ZMAT5: variants seen among roughly 807,000 people sequenced by gnomAD.
The protein encoded by ZMAT5 is zinc finger matrin-type 5.
A neutral mutation model predicts 28.0 loss-of-function variants in ZMAT5; 23 were observed. The observed-to-expected ratio is 0.82, with a 90% CI of 0.59 to 1.16. The LOEUF (loss-of-function observed/expected upper bound fraction) is 1.16, where lower values mean the gene tolerates loss of function less well. Among genes scored for constraint, ZMAT5 ranks in the 50% most tolerant of loss-of-function variants. ZMAT5 has a pLI of 0.00. For missense variants in ZMAT5, 173 were observed against 212.7 expected (o/e 0.81, Z 1.16); for synonymous variants, 76 against 84.1 (o/e 0.90, Z 0.52).
At chr22:29,755,012 A>G (rs993114799) in intron 1 of ZMAT5, among the ~76,000 whole-genome samples, 1 of 151,808 alleles carries the variant, frequency 6.6e-6, no homozygotes, top group Non-Finnish European at 1.5e-5. Context: ...AATCGCAGTC[A>G]AGGCCGGGCA....
chr22:29,756,970 C>T (rs1005284583), intron 1 of ZMAT5, among the ~76,000 whole-genome samples: 1 of 152,012 alleles, frequency 6.6e-6, no homozygotes, highest in Admixed American at 6.6e-5. Flanking sequence ...ACCTGGGAGG[C>T]GGAGGTTGCA....
Position 29,738,426 on chromosome 22 carries a change from C to T in ZMAT5, c.287G>A (p.Arg96Lys), listed in dbSNP as rs1359876422. ...CTCAGGAGCATCTAGTAGCCACTCCCTGGCTCGCCTCTCCTCTGTGGGGAC... is the reference window on the plus strand; with the variant it reads ...CTCAGGAGCATCTAGTAGCCACTCCTTGGCTCGCCTCTCCTCTGTGGGGAC... ...SIQVEEERRAREWLLDAPELP... is the reference protein window; with the variant it reads ...SIQVEEERRAKEWLLDAPELP... Residue 96 changes from arginine to lysine, a missense_variant, in exon 5 of 6, where the codon AGG (arginine) becomes AAG (lysine). Coordinates refer to ENST00000344318, the MANE Select transcript of ZMAT5 (RefSeq NM_001003692.2). 1 of 1,610,520 alleles carries T rather than the reference C, an allele frequency of 6.2e-7. No individual in the cohort carries two copies. The highest frequency in any genetic ancestry group is 8.5e-7 in the Non-Finnish European group (1 of 1,179,852).
chr22:29,749,594 G>C (rs1453248688), intron 1 of ZMAT5, among the ~76,000 whole-genome samples: 1 of 152,164 alleles, frequency 6.6e-6, no homozygotes, highest in Non-Finnish European at 1.5e-5. Context: ...CTTCCACTTA[G>C]CTTCCTCCAC....
chr22:29,732,596 C>T lies in ZMAT5; in HGVS notation c.384-1242G>A, dbSNP rs183335546. 3.0e-3 allele frequency among the ~76,000 whole-genome samples: 451 copies of T among 151,972 alleles called. 2 individuals are homozygous for T. Among genetic ancestry groups the T allele is most frequent in the African/African-American group, 0.01 (429 of 41,456 alleles). ...ACTAAAAGTACAAAAAAAAATTAGC[C>T]GGGTGTGGTGGGGGGCACCTGTAGT... On this transcript the variant is annotated intron_variant, in intron 5 of 5. Coordinates refer to ENST00000344318, the MANE Select transcript of ZMAT5 (RefSeq NM_001003692.2).
In ZMAT5 at chr22:29,748,588, A is replaced by T; in HGVS notation, c.-27-17T>A. On this transcript the variant is annotated splice_polypyrimidine_tract_variant and intron_variant, in intron 1 of 5. Coordinates refer to ENST00000344318, the MANE Select transcript of ZMAT5 (RefSeq NM_001003692.2). ...CTTTGCTGCCTGGGAAGCCACAAAG[A>T]GCTCAGATTAGACCATTGGAGAAAA... The T allele has an allele frequency of 2.5e-6, 4 of 1,612,586 alleles. No homozygotes were observed. The highest frequency in any genetic ancestry group is 2.5e-6 in the Non-Finnish European group (3 of 1,179,712).
At chr22:29,752,179 G>A (rs188496601) in intron 1 of ZMAT5, among the ~76,000 whole-genome samples, 3 of 152,264 alleles carry the variant, frequency 2.0e-5, no homozygotes, top group Non-Finnish European at 4.4e-5. Context: ...CAGGGTACCT[G>A]GGGCTCAGGT....
chr22:29,758,370 C>A (rs984696503), intron 1 of ZMAT5, among the ~76,000 whole-genome samples: 6 of 152,244 alleles, frequency 3.9e-5, no homozygotes, highest in African/African-American at 1.4e-4. Flanking sequence ...AATCCCAGCA[C>A]CTTGGGAGGC....
chr22:29,753,076 AT>A (rs1242778192), intron 1 of ZMAT5, among the ~76,000 whole-genome samples: 1 of 152,008 alleles, frequency 6.6e-6, no homozygotes, highest in Admixed American at 6.6e-5. Flanking sequence ...CTATCTCTGC[AT>A]TTCTGTGCCT....
chr22:29,752,400 A>T (rs909882602), intron 1 of ZMAT5, among the ~76,000 whole-genome samples: 4 of 152,000 alleles, frequency 2.6e-5, no homozygotes, highest in Admixed American at 1.3e-4. Context: ...TGGGGGGCAA[A>T]CCAGCTAATG....
intron 1 of ZMAT5, among the ~76,000 whole-genome samples, chr22:29,753,412 C>A (rs1412689632): frequency 6.6e-6 from 1 of 152,202 alleles, no homozygotes; most frequent in Non-Finnish European, 1.5e-5. Flanking sequence ...GTAGTCCCAG[C>A]TACTCAGAAG....
chr22:29,744,991 T>A (rs1409617800), intron 2 of ZMAT5, among the ~76,000 whole-genome samples: 1 of 152,242 alleles, frequency 6.6e-6, no homozygotes, highest in Non-Finnish European at 1.5e-5. Context: ...TGGTGCCTCA[T>A]GTTTCTTTGC....
intron 1 of ZMAT5, among the ~76,000 whole-genome samples, chr22:29,765,653 T>G (rs1195876537): frequency 6.6e-6 from 1 of 151,808 alleles, no homozygotes; most frequent in Non-Finnish European, 1.5e-5. Context: ...GAGGATCACC[T>G]GAAGTCAGGA....
At chr22:29,742,543 G>A (rs897474796) in intron 2 of ZMAT5, 63 bp from the exon 3 acceptor site, 1 of 1,500,586 alleles carries the variant, frequency 6.7e-7, no homozygotes. Flanking sequence ...GGCAGGAAGT[G>A]GAAGCCACAG....
chr22:29,738,675 T>C (rs2067931301), intron 4 of ZMAT5, among the ~76,000 whole-genome samples: 1 of 151,796 alleles, frequency 6.6e-6, no homozygotes, highest in Non-Finnish European at 1.5e-5. Context: ...GCCTCCAAGC[T>C]CTTGGGGAGC....
At chr22:29,738,962 GA>G (rs2067935088) in intron 4 of ZMAT5, among the ~76,000 whole-genome samples, 1 of 151,590 alleles carries the variant, frequency 6.6e-6, no homozygotes, top group Non-Finnish European at 1.5e-5. Flanking sequence ...AGTGAGCTAA[GA>G]TCGCACCACT....
chr22:29,734,078 C>T (rs1002395706), intron 5 of ZMAT5, among the ~76,000 whole-genome samples: 1 of 152,186 alleles, frequency 6.6e-6, no homozygotes, highest in Non-Finnish European at 1.5e-5. Flanking sequence ...TGGCAGCGCC[C>T]GCCCAGAGAG....
At chr22:29,750,434 G>A (rs1178947806) in intron 1 of ZMAT5, among the ~76,000 whole-genome samples, 1 of 152,084 alleles carries the variant, frequency 6.6e-6, no homozygotes, top group East Asian at 1.9e-4. Flanking sequence ...AAACATTTTG[G>A]GGTCTTAAGA....
At chr22:29,737,901 G>C (rs1601716640) in intron 5 of ZMAT5, among the ~76,000 whole-genome samples, 1 of 151,744 alleles carries the variant, frequency 6.6e-6, no homozygotes, top group African/African-American at 2.4e-5. Flanking sequence ...TCGTCATCAC[G>C]CCTGTGCAAT....
At chr22:29,748,395 G>C (rs2072457924) in intron 2 of ZMAT5, 23 bp downstream of exon 2, 1 of 1,614,020 alleles carries the variant, frequency 6.2e-7, no homozygotes, top group African/African-American at 1.3e-5. Flanking sequence ...CCAGGAGCCT[G>C]GCCCCCAGCC....
Sources: gnomAD v4.1 joint callset for allele counts (sites outside exome capture counted in the v4.1 genomes callset) on GRCh38, gnomAD v4.1.1 for gene constraint, MANE v1.5 for transcripts, NCBI Gene and HGNC (gene_info 2026-07-23, HGNC 2026-07-21) for gene names.